Variants in DPP6 observed in about 807,000 individuals in gnomAD.
DPP6 encodes A-type potassium channel modulatory protein DPP6.
In DPP6, 69 loss-of-function variants were observed where a neutral mutation model predicts 122.6. The ratio of observed to expected loss-of-function variants is 0.56; its 90% CI spans 0.46 to 0.69. The LOEUF (loss-of-function observed/expected upper bound fraction) is 0.69, where lower values mean the gene tolerates loss of function less well. DPP6 is among the 30% of genes least tolerant of loss of function. The pLI, the probability that DPP6 is intolerant of heterozygous loss-of-function variation, is 0.00. For missense variants in DPP6, 928 were observed against 1,116.9 expected, an observed-to-expected ratio of 0.83 and a Z score of 2.41; for synonymous variants, 418 against 433.1, an observed-to-expected ratio of 0.97 and a Z score of 0.43.
At chr7:154,816,277 G>A (rs1799420170) in intron 16 of DPP6, among the ~76,000 whole-genome samples, 1 of 148,498 alleles carries the variant, frequency 6.7e-6, no homozygotes, top group African/African-American at 2.6e-5. Context: ...AAGATATTTT[G>A]AGAGAGAGAG....
At chr7:153,993,210 G>C (rs1227552497) in intron 1 of DPP6, among the ~76,000 whole-genome samples, 1 of 152,168 alleles carries the variant, frequency 6.6e-6, no homozygotes, top group African/African-American at 2.4e-5. Flanking sequence ...ATCAGGGCCT[G>C]TAACCTAGCA....
intron 8 of DPP6, among the ~76,000 whole-genome samples, chr7:154,751,845 G>A (rs557338649): frequency 6.6e-6 from 1 of 152,196 alleles, no homozygotes; most frequent in South Asian, 2.1e-4. Context: ...CCGGTGGGGG[G>A]TCCCTCTGGG....
intron 1 of DPP6, among the ~76,000 whole-genome samples, chr7:153,941,094 A>C (rs1015943368): frequency 2.6e-5 from 4 of 152,192 alleles, no homozygotes; most frequent in African/African-American, 9.7e-5. Context: ...GTTGTCCCTA[A>C]CGGAAGGGTT....
intron 8 of DPP6, among the ~76,000 whole-genome samples, chr7:154,767,686 C>T (rs535104955): frequency 8.5e-5 from 13 of 152,206 alleles, no homozygotes; most frequent in African/African-American, 2.4e-4. Context: ...CTTTGCAGAT[C>T]GGGACTCAAG....
intron 1 of DPP6, among the ~76,000 whole-genome samples, chr7:154,112,695 GA>G (rs1806678522): frequency 6.6e-6 from 1 of 151,820 alleles, no homozygotes; most frequent in African/African-American, 2.4e-5. Flanking sequence ...ATAAAACAGG[GA>G]AAAAAACATA....
At chr7:154,314,836 G>A (rs1807290750) in intron 1 of DPP6, among the ~76,000 whole-genome samples, 1 of 152,078 alleles carries the variant, frequency 6.6e-6, no homozygotes, top group African/African-American at 2.4e-5. Context: ...ACTGTTAACT[G>A]GCAGCTGCAA....
rs1586840668 is a variant in DPP6, at chr7:154,663,789, C to CGT, written c.681-5571_681-5570insGT. Reference sequence around the variant, plus strand: ...TGGTGAATCACCATGGCGTATCGGCCATAGTGTTCATATAGTCATGGTGAA... The same window carrying CGT: ...TGGTGAATCACCATGGCGTATCGGCCGTATAGTGTTCATATAGTCATGGTGAA... On this transcript the variant is annotated intron_variant, in intron 6 of 25. Transcript: ENST00000377770. Among the ~76,000 whole-genome samples the CGT allele has an allele frequency of 3.6e-5, 4 of 112,448 alleles. 1 individual carries two copies. The highest frequency in any genetic ancestry group is 5.9e-4 in the East Asian group (2 of 3,410). The allele number at this position is 112,448 out of a possible 152,430, so 73.8% of individuals were successfully genotyped here. A position where few individuals can be genotyped will look rare whatever the true frequency, so the allele number is the denominator to read the frequency against.
intron 7 of DPP6, among the ~76,000 whole-genome samples, chr7:154,693,561 C>A (rs1223007964): frequency 6.6e-6 from 1 of 152,168 alleles, no homozygotes; most frequent in African/African-American, 2.4e-5. Flanking sequence ...GAGCCAGCCT[C>A]CCAGGTGGGT....
chr7:154,285,963 C>A, intron 1 of DPP6, among the ~76,000 whole-genome samples: 1 of 152,202 alleles, frequency 6.6e-6, no homozygotes, highest in East Asian at 1.9e-4. Context: ...TATCCTTACA[C>A]TCTCAAGAAC....
At chr7:154,685,262 A>G (rs778968787) in intron 7 of DPP6, among the ~76,000 whole-genome samples, 9 of 152,170 alleles carry the variant, frequency 5.9e-5, no homozygotes, top group Non-Finnish European at 8.8e-5. Context: ...TTTTCCAATA[A>G]CCCTAAAATT....
the DPP6 span, among the ~76,000 whole-genome samples, chr7:153,748,489 C>CT: frequency 4.1e-5 from 1 of 24,598 alleles, no homozygotes. Flanking sequence ...GTGGCTCTGC[C>CT]TGGTGGCGCG....
intron 1 of DPP6, among the ~76,000 whole-genome samples, chr7:154,109,546 C>A (rs1806417699): frequency 6.6e-6 from 1 of 152,232 alleles, no homozygotes; most frequent in Non-Finnish European, 1.5e-5. Flanking sequence ...CCCGCCTCAG[C>A]CTCCCAAAAT....
intron 5 of DPP6, chr7:154,588,602 A>G (rs1484033373): frequency 6.6e-6 from 1 of 152,436 alleles, no homozygotes; most frequent in African/African-American, 2.4e-5. Flanking sequence ...TCAGCTAAAT[A>G]AAAGAAGTAG....
chr7:153,936,404 C>T (rs981014654), intron 1 of DPP6, among the ~76,000 whole-genome samples: 1 of 152,100 alleles, frequency 6.6e-6, no homozygotes, highest in African/African-American at 2.4e-5. Context: ...CTGGGGAGAC[C>T]GCGAGCTCGT....
intron 1 of DPP6, among the ~76,000 whole-genome samples, chr7:153,904,373 C>T (rs1245021484): frequency 2.6e-5 from 4 of 152,106 alleles, no homozygotes; most frequent in African/African-American, 7.2e-5. Flanking sequence ...GATTCTCCTG[C>T]ACCATCTTTC....
intron 16 of DPP6, among the ~76,000 whole-genome samples, chr7:154,845,627 C>T (rs913691264): frequency 6.6e-6 from 1 of 152,174 alleles, no homozygotes; most frequent in Non-Finnish European, 1.5e-5. Context: ...CAAACCTGCA[C>T]ATTGTGCACA....
intron 7 of DPP6, among the ~76,000 whole-genome samples, chr7:154,679,111 G>A (rs1221814339): frequency 6.6e-6 from 1 of 152,126 alleles, no homozygotes; most frequent in East Asian, 1.9e-4. Context: ...CAGAAGCTAG[G>A]GTTGGTGTCC....
chr7:154,594,080 A>G (rs1462946448), intron 5 of DPP6, among the ~76,000 whole-genome samples: 2 of 152,084 alleles, frequency 1.3e-5, no homozygotes, highest in African/African-American at 2.4e-5. Context: ...TTCCAAGGCA[A>G]TTGATTTTGG....
chr7:154,028,553 C>T (rs1414181711), intron 1 of DPP6, among the ~76,000 whole-genome samples: 1 of 151,690 alleles, frequency 6.6e-6, no homozygotes, highest in Non-Finnish European at 1.5e-5. Context: ...GCATCCTCCT[C>T]GGTGGGGCTG....
Sources: allele counts gnomAD v4.1 joint callset (sites outside exome capture counted in the v4.1 genomes callset), GRCh38; gene constraint gnomAD v4.1.1; transcripts MANE v1.5; gene names NCBI Gene and HGNC (gene_info 2026-07-23, HGNC 2026-07-21).